PGAP3: variants seen among roughly 807,000 people sequenced by gnomAD.
The protein encoded by PGAP3 is post-GPI attachment to proteins phospholipase 3, also known as GPI-specific phospholipase A2-like PGAP3.
In PGAP3, 31 loss-of-function variants were observed where a neutral mutation model predicts 40.3. The ratio of observed to expected loss-of-function variants is 0.77; its 90% confidence interval spans 0.58 to 1.04. The LOEUF is 1.04. Ranked by LOEUF, PGAP3 falls within the 50% of genes least tolerant of loss-of-function variation. The pLI is 0.00. For missense variants in PGAP3, 413 were observed against 423.0 expected (o/e 0.98, Z 0.21); for synonymous variants, 191 against 184.5 (o/e 1.04, Z -0.29).
chr17:39,686,086 G>C, intron 1 of PGAP3, 67 bp from the exon 2 acceptor site: 1 of 1,424,054 alleles, frequency 7.0e-7, no homozygotes, highest in Non-Finnish European at 9.8e-7. Context: ...CATGAATGGG[G>C]TCCAAGCGCA....
intron 2 of PGAP3, among the ~76,000 whole-genome samples, chr17:39,685,085 CT>C (rs1160627005): frequency 6.6e-6 from 1 of 152,204 alleles, no homozygotes; most frequent in Non-Finnish European, 1.5e-5. Flanking sequence ...TCCTCTACCA[CT>C]GACCACGGTC....
chr17:39,674,584 C>T, intron 4 of PGAP3, 33 bp downstream of exon 4: 1 of 1,541,152 alleles, frequency 6.5e-7, no homozygotes, highest in South Asian at 1.2e-5. Context: ...TGGGACCACC[C>T]TGTGCAGGAG....
At chr17:39,677,401 C>T (rs1446210102) in intron 3 of PGAP3, among the ~76,000 whole-genome samples, 1 of 152,140 alleles carries the variant, frequency 6.6e-6, no homozygotes, top group Non-Finnish European at 1.5e-5. Flanking sequence ...CATTCCAGAA[C>T]GGAGACACCT....
intron 2 of PGAP3, among the ~76,000 whole-genome samples, chr17:39,685,385 G>A (rs1199148822): frequency 6.6e-6 from 1 of 151,586 alleles, no homozygotes; most frequent in Admixed American, 6.6e-5. Context: ...CCAGCTACTT[G>A]GGAGGCTCAG....
In PGAP3 at chr17:39,673,497, GC is replaced by G. The variant is rs761674961; in HGVS notation, c.694+16del. On this transcript the variant is annotated intron_variant, in intron 6 of 7. Coordinates refer to ENST00000300658, the MANE Select transcript of PGAP3 (RefSeq NM_033419.5). ...GCTAGCACTTCTGCAGATGGCCCAA[GC>G]CCCCCAGGGCCTCACCAATAGCCAC... The G allele has an allele frequency of 6.2e-7, 1 of 1,613,878 alleles. No homozygotes were observed. The highest frequency in any genetic ancestry group is 8.5e-7 in the Non-Finnish European group (1 of 1,179,910).
chr17:39,684,138 A>AG lies in PGAP3; in HGVS notation c.432+458_432+459insC, dbSNP rs773611695. On this transcript the variant is annotated intron_variant, in intron 3 of 7. Coordinates refer to ENST00000300658, the MANE Select transcript of PGAP3 (RefSeq NM_033419.5). ...AGACTCTGTCTCAAAAAAAAAAAAA[A>AG]AAAAAAAAAAAAAAAGACTAGGCTG... 9.7e-3 allele frequency among the ~76,000 whole-genome samples: 1,438 copies of AG among 148,152 alleles called. 16 individuals carry two copies. The highest frequency in any genetic ancestry group is 0.017 in the Non-Finnish European group (1,117 of 66,496).
At chr17:39,678,716 C>T (rs1246605923) in intron 3 of PGAP3, among the ~76,000 whole-genome samples, 1 of 152,180 alleles carries the variant, frequency 6.6e-6, no homozygotes, top group East Asian at 1.9e-4. Context: ...ACCCTCCATA[C>T]AGCTCAGGAT....
chr17:39,672,651 G>T lies in PGAP3; in HGVS notation c.*152C>A. 1 of 796,450 alleles carries T rather than the reference G, an allele frequency of 1.3e-6. No homozygotes were observed. The highest frequency in any genetic ancestry group is 2.0e-6 in the Non-Finnish European group (1 of 489,426). The allele number at this position is 796,450 out of a possible 1,614,324, so 49.3% of individuals were successfully genotyped here. A position where few individuals can be genotyped will look rare whatever the true frequency, so the allele number is the denominator to read the frequency against. ...CTCCAAGGCTGGTGAGGGCCAACAGGGGGTGGGCTGGCCACATGATTCTGG... is the reference window on the plus strand; with the variant it reads ...CTCCAAGGCTGGTGAGGGCCAACAGTGGGTGGGCTGGCCACATGATTCTGG... On this transcript the variant is annotated 3_prime_UTR_variant, in exon 8 of 8. Coordinates refer to ENST00000300658, the MANE Select transcript of PGAP3 (RefSeq NM_033419.5).
chr17:39,673,915 C>T (rs945236335), intron 5 of PGAP3, 78 bp downstream of exon 5: 5 of 1,505,336 alleles, frequency 3.3e-6, no homozygotes, highest in African/African-American at 2.8e-5. Flanking sequence ...GTGAAGAAGG[C>T]CCCCAGGGGA....
intron 3 of PGAP3, among the ~76,000 whole-genome samples, chr17:39,675,171 C>T (rs771649355): frequency 7.3e-4 from 111 of 152,016 alleles, no homozygotes; most frequent in Non-Finnish European, 1.1e-3. Context: ...CAAGCAGATC[C>T]CACTGGGGCA....
chr17:39,687,202 G>C (rs978786322), intron 1 of PGAP3, among the ~76,000 whole-genome samples: 4 of 152,204 alleles, frequency 2.6e-5, no homozygotes, highest in Non-Finnish European at 4.4e-5. Context: ...CTACATACTG[G>C]CTGTGTGACC....
In PGAP3 at chr17:39,688,045, A is replaced by G. The variant is rs2057599522; in HGVS notation, c.-31T>C. ...CTCCCTGGCTCGCCGCCGGGGGAGG[A>G]GCTTAGGAGTATGAAGCTTCCACTT... On this transcript the variant is annotated 5_prime_UTR_variant, in exon 1 of 8. Transcript: ENST00000300658. The G allele has an allele frequency of 7.4e-7, 1 of 1,344,402 alleles. No individual in the cohort carries two copies. The highest frequency in any genetic ancestry group is 1.5e-5 in the African/African-American group (1 of 66,034). The allele number at this position is 1,344,402 out of a possible 1,614,324, so 83.3% of individuals were successfully genotyped here. A position where few individuals can be genotyped will look rare whatever the true frequency, so the allele number is the denominator to read the frequency against.
chr17:39,679,965 T>TA (rs1170164643), intron 3 of PGAP3, among the ~76,000 whole-genome samples: 1 of 152,110 alleles, frequency 6.6e-6, no homozygotes, highest in Non-Finnish European at 1.5e-5. Context: ...CTTCCCCAGT[T>TA]AGAGGACGCG....
rs1249412325 is a variant in PGAP3, at chr17:39,671,681, G to A, written c.*1122C>T. 1.3e-5 allele frequency: 2 copies of A among 152,406 alleles called. No individual in the cohort carries two copies. Among genetic ancestry groups the A allele is most frequent in the Non-Finnish European group, 2.9e-5 (2 of 68,088 alleles). 9.4% of individuals were successfully genotyped at this position (152,406 alleles called of 1,614,324 possible). ...TCCCCATTTTCCTTCCTCTGCCTCC[G>A]AGGGGCTGCTTCTGGAGGGCACTGT... On this transcript the variant is annotated 3_prime_UTR_variant, in exon 8 of 8. Transcript: ENST00000300658.
At chr17:39,684,884 T>A in intron 2 of PGAP3, 135 bp from the exon 3 acceptor site, 1 of 1,094,776 alleles carries the variant, frequency 9.1e-7, no homozygotes. Flanking sequence ...AAGCCTCAGG[T>A]TCAGTACCTC....
At chr17:39,678,243 G>C (rs62074883) in intron 3 of PGAP3, among the ~76,000 whole-genome samples, 4 of 152,172 alleles carry the variant, frequency 2.6e-5, no homozygotes, top group African/African-American at 9.7e-5. Context: ...CTTAACAGAG[G>C]AAGAGAAGAA....
In PGAP3 at chr17:39,685,940, C is replaced by T. The variant is rs1351326784; in HGVS notation, c.261G>A (p.Val87=). 1.9e-6 allele frequency: 3 copies of T among 1,613,192 alleles called. No homozygotes were observed. Among genetic ancestry groups the T allele is most frequent in the Non-Finnish European group, 2.5e-6 (3 of 1,179,436 alleles). Reference sequence around the variant, plus strand: ...AACTCACCTTGCCATGGAACTGAGGCACTTTGTGACCTTCCTGGAGGTAGA... The same window carrying T: ...AACTCACCTTGCCATGGAACTGAGGTACTTTGTGACCTTCCTGGAGGTAGA... The part of the protein sequence containing the change: ...VGLYLQEGHK[V]PQFHGKWPFS... The change falls in exon 2 of 8, where the codon GTG becomes GTA. Residue 87 remains valine (V), a synonymous_variant. Transcript: ENST00000300658.
At position 39,679,240 on chromosome 17, in the gene PGAP3, C is replaced by T. The variant is rs571244769; in HGVS notation, c.433-4561G>A. Among the ~76,000 whole-genome samples, 270 of 152,276 alleles carry T rather than the reference C, an allele frequency of 1.8e-3. 3 individuals carry two copies. Among genetic ancestry groups the T allele is most frequent in the African/African-American group, 6.3e-3 (260 of 41,568 alleles). On this transcript the variant is annotated intron_variant, in intron 3 of 7. Transcript: ENST00000300658. ...GATTACAGACGTGAGCCACCATGCC[C>T]GGCCATCTGCTGCTTTTTCTCTAGG...
Position 39,687,989 on chromosome 17 carries a change from A to C in PGAP3, c.26T>G (p.Val9Gly), listed in dbSNP as rs1165976959. The change falls in exon 1 of 8, where the codon GTC becomes GGC. Residue 9 changes from valine to glycine, a missense_variant. Transcript: ENST00000300658. ...CAGCGCCGCTGCCCCAGCTAGCAGG[A>C]CCAACCGCGCCGCCAGGCCGGCCAT... is the stretch of plus-strand genomic sequence containing the variant. Reference protein sequence around the residue: MAGLAARLVLLAGAAALAS... With the variant: MAGLAARLGLLAGAAALAS... The C allele has an allele frequency of 7.0e-7, 1 of 1,433,412 alleles. No individual in the cohort carries two copies. The highest frequency in any genetic ancestry group is 9.3e-7 in the Non-Finnish European group (1 of 1,076,778). The allele number at this position is 1,433,412 out of a possible 1,614,324, so 88.8% of individuals were successfully genotyped here.
Sources: allele counts gnomAD v4.1 joint callset (sites outside exome capture counted in the v4.1 genomes callset), GRCh38; gene constraint gnomAD v4.1.1; transcripts MANE v1.5; gene names NCBI Gene and HGNC (gene_info 2026-07-23, HGNC 2026-07-21).